The following GSK3B variants were observed in gnomAD, a reference collection of about 807,000 sequenced individuals.
The protein encoded by GSK3B is glycogen synthase kinase-3 beta.
In GSK3B, 15 loss-of-function variants were observed where a neutral mutation model predicts 56.4. The observed-to-expected ratio is 0.27, with a 90% CI of 0.18 to 0.41. The LOEUF (loss-of-function observed/expected upper bound fraction) is 0.41, where lower values mean the gene tolerates loss of function less well. GSK3B is among the 10% of genes least tolerant of loss of function. The pLI is 1.00. For missense variants in GSK3B, 300 were observed against 513.4 expected (o/e 0.58, Z 4.02); for synonymous variants, 181 against 188.9 (o/e 0.96, Z 0.34).
intron 7 of GSK3B, among the ~76,000 whole-genome samples, chr3:119,901,790 A>G (rs549611523): frequency 3.9e-5 from 6 of 152,334 alleles, no homozygotes; most frequent in Admixed American, 1.3e-4. Flanking sequence ...CCCTGCTCAG[A>G]AAGTTTATAA....
chr3:119,845,540 T>C lies in GSK3B; in HGVS notation c.1097-2187A>G, dbSNP rs144718589. 3.3e-5 allele frequency among the ~76,000 whole-genome samples: 5 copies of C among 152,296 alleles called. No homozygotes were observed. In the East Asian group the frequency reaches 5.8e-4, roughly 18 times the overall value. ...CAATAACAGACAGAGAGCCAAATCA[T>C]GAGCAAACTCCCATTCACAATTGCT... On this transcript the variant is annotated intron_variant, in intron 9 of 10. Coordinates refer to ENST00000264235, the MANE Select transcript of GSK3B (RefSeq NM_001146156.2).
At chr3:119,983,737 A>AAGC (rs1487020999) in intron 2 of GSK3B, among the ~76,000 whole-genome samples, 1 of 152,236 alleles carries the variant, frequency 6.6e-6, no homozygotes, top group African/African-American at 2.4e-5. Context: ...AAAGAGACTT[A>AAGC]GACTCCTACA....
chr3:119,851,832 C>CA (rs71619761), intron 9 of GSK3B, among the ~76,000 whole-genome samples: 2 of 152,182 alleles, frequency 1.3e-5, no homozygotes, highest in Admixed American at 6.5e-5. Context: ...TCTCTATTCA[C>CA]AAAAAGGTTT....
chr3:119,946,199 G>A (rs1331435013), intron 3 of GSK3B, among the ~76,000 whole-genome samples: 1 of 151,916 alleles, frequency 6.6e-6, no homozygotes, highest in Non-Finnish European at 1.5e-5. Context: ...TTATATGACT[G>A]TAGGTATTTA....
intron 7 of GSK3B, among the ~76,000 whole-genome samples, chr3:119,877,802 A>G (rs1328824066): frequency 2.0e-5 from 3 of 152,230 alleles, no homozygotes; most frequent in African/African-American, 7.2e-5. Flanking sequence ...ACTGAACAAA[A>G]GAAAGTACAT....
chr3:120,007,543 G>A (rs1156406788), intron 1 of GSK3B, among the ~76,000 whole-genome samples: 2 of 152,152 alleles, frequency 1.3e-5, no homozygotes, highest in Non-Finnish European at 2.9e-5. Context: ...ATCGAAACCA[G>A]CAGCACATCA....
Position 119,825,586 on chromosome 3 carries a change from T to C in GSK3B, c.*1202A>G, listed in dbSNP as rs988689229. ...TATAAGTGACTGTATCATTCTGATG[T>C]GTAGTTTTTAATATTTCTACCATCT... On this transcript the variant is annotated 3_prime_UTR_variant, in exon 11 of 11. Transcript: ENST00000264235. 4.4e-6 allele frequency: 1 copy of C among 228,478 alleles called. No homozygotes were observed. Among genetic ancestry groups the C allele is most frequent in the African/African-American group, 2.2e-5 (1 of 45,130 alleles). The allele number at this position is 228,478 out of a possible 1,614,324, so 14.2% of individuals were successfully genotyped here. A position where few individuals can be genotyped will look rare whatever the true frequency, so the allele number is the denominator to read the frequency against.
intron 2 of GSK3B, among the ~76,000 whole-genome samples, chr3:119,997,619 T>C (rs1002028557): frequency 6.6e-6 from 1 of 152,148 alleles, no homozygotes; most frequent in Non-Finnish European, 1.5e-5. Context: ...TTTGTTGGGG[T>C]TGCAGGAGAA....
chr3:120,055,314 G>A (rs2058183323), intron 1 of GSK3B, among the ~76,000 whole-genome samples: 1 of 152,130 alleles, frequency 6.6e-6, no homozygotes, highest in African/African-American at 2.4e-5. Context: ...CAATGGTGCA[G>A]GAATGTATGT....
chr3:119,895,433 T>A (rs762148801), intron 7 of GSK3B, among the ~76,000 whole-genome samples: 1 of 39,384 alleles, frequency 2.5e-5, no homozygotes, highest in East Asian at 1.1e-3. Context: ...TCAGGATAGA[T>A]TACCTAGAAG....
intron 2 of GSK3B, among the ~76,000 whole-genome samples, chr3:119,954,776 T>C (rs988475134): frequency 2.6e-5 from 4 of 152,100 alleles, no homozygotes; most frequent in Non-Finnish European, 5.9e-5. Flanking sequence ...TGACATCTCA[T>C]GCTTTAAAAA....
At chr3:119,904,958 GTTTTTT>G (rs74674739) in intron 7 of GSK3B, among the ~76,000 whole-genome samples, 1 of 137,796 alleles carries the variant, frequency 7.3e-6, no homozygotes, top group Non-Finnish European at 1.6e-5. Flanking sequence ...TAGACACTAG[GTTTTTT>G]TTTTTTTTTT....
chr3:119,909,834 C>T (rs1054702956), intron 6 of GSK3B, among the ~76,000 whole-genome samples: 4 of 140,122 alleles, frequency 2.9e-5, no homozygotes, highest in South Asian at 2.4e-4. Flanking sequence ...TTCAGTTCCT[C>T]CTATCACTAA....
At chr3:119,832,587 T>A (rs1417031041) in intron 10 of GSK3B, among the ~76,000 whole-genome samples, 1 of 152,184 alleles carries the variant, frequency 6.6e-6, no homozygotes, top group Non-Finnish European at 1.5e-5. Flanking sequence ...CCCTACACAA[T>A]TAGGTGTGCT....
At chr3:120,045,608 T>C (rs1414599163) in intron 1 of GSK3B, among the ~76,000 whole-genome samples, 1 of 152,062 alleles carries the variant, frequency 6.6e-6, no homozygotes, top group Non-Finnish European at 1.5e-5. Flanking sequence ...ACATCAGAAA[T>C]AAAAACCCCT....
intron 10 of GSK3B, among the ~76,000 whole-genome samples, chr3:119,827,877 A>T (rs1001871169): frequency 4.6e-5 from 7 of 151,942 alleles, no homozygotes; most frequent in Non-Finnish European, 7.4e-5. Context: ...TACAAAAAAA[A>T]AAATGTATAA....
At chr3:120,001,117 G>T (rs991268081) in intron 2 of GSK3B, among the ~76,000 whole-genome samples, 1 of 148,792 alleles carries the variant, frequency 6.7e-6, no homozygotes, top group Non-Finnish European at 1.5e-5. Flanking sequence ...GTAGAGACGG[G>T]GTAGAGCCTG....
chr3:119,848,040 A>G (rs539903605), intron 9 of GSK3B, among the ~76,000 whole-genome samples: 158 of 152,354 alleles, frequency 1.0e-3, no homozygotes, highest in Non-Finnish European at 2.0e-3. Context: ...TTCTTTACTC[A>G]GTAAGATTAT....
intron 2 of GSK3B, among the ~76,000 whole-genome samples, chr3:119,995,196 T>C (rs966181207): frequency 6.7e-6 from 1 of 148,272 alleles, no homozygotes; most frequent in Admixed American, 6.7e-5. Flanking sequence ...ACTAGCCAGG[T>C]GTGGTGGCGC....
Sources: allele counts gnomAD v4.1 joint callset (sites outside exome capture counted in the v4.1 genomes callset), GRCh38; gene constraint gnomAD v4.1.1; transcripts MANE v1.5; gene names NCBI Gene and HGNC (gene_info 2026-07-23, HGNC 2026-07-21).